Variants in ZMYM6 observed in about 807,000 individuals in gnomAD.
ZMYM6 encodes zinc finger MYM-type containing 6.
ZMYM6 carries 90 observed loss-of-function variants against 134.0 expected under a neutral mutation model. That is an observed-to-expected ratio of 0.67 (90% CI 0.57 to 0.80). ZMYM6 has a LOEUF of 0.80. ZMYM6 is among the 30% of genes least tolerant of loss of function. The pLI, the probability that ZMYM6 is intolerant of heterozygous loss-of-function variation, is 0.00. For synonymous variants in ZMYM6, 481 were observed against 524.1 expected (o/e 0.92, Z 1.12); for missense variants, 1,362 against 1,533.9 (o/e 0.89, Z 1.87).
At chr1:35,019,186 T>C in intron 4 of ZMYM6, 167 bp downstream of exon 4, 1 of 948,054 alleles carries the variant, frequency 1.1e-6, no homozygotes, top group Non-Finnish European at 1.6e-6. Context: ...CCAAGTCACT[T>C]ATTTAATGTT....
Position 35,010,898 on chromosome 1 carries a change from T to C in ZMYM6, c.1201A>G (p.Ile401Val), listed in dbSNP as rs1455250754. 2 of 1,613,934 alleles carry C rather than the reference T, an allele frequency of 1.2e-6. No individual in the cohort carries two copies. The highest frequency in any genetic ancestry group is 1.7e-5 in the Admixed American group (1 of 59,962). The change falls in exon 9 of 16, where the codon ATC becomes GTC. Residue 401 changes from isoleucine to valine, a missense_variant. Physicochemically the swap from Ile to Val is conservative, Grantham distance 29. Around this residue, in one of 3 missense-constraint regions of ZMYM6, gnomAD observed 503 missense variants for 520.8 expected, o/e 0.97. Coordinates refer to ENST00000357182, the MANE Select transcript of ZMYM6 (RefSeq NM_007167.4). ...GNTSAVSPSS[I>V]RGSAAASLQP... ...AGGCTGGCTGCAGCAGAGCCACGGA[T>C]GGAGCTGGGGGAAACGGCAGAGGTG...
At chr1:35,021,390 C>A (rs1641307328) in intron 2 of ZMYM6, among the ~76,000 whole-genome samples, 1 of 151,808 alleles carries the variant, frequency 6.6e-6, no homozygotes, top group Non-Finnish European at 1.5e-5. Context: ...GGTGATCCGC[C>A]CACTTTGGCC....
chr1:35,011,094 A>G lies in ZMYM6; in HGVS notation c.1063-58T>C, dbSNP rs912513363. On this transcript the variant is annotated intron_variant, in intron 8 of 15. Coordinates refer to ENST00000357182, the MANE Select transcript of ZMYM6 (RefSeq NM_007167.4). ...CAACTGAGAAATAAGATAACTTTGTACTTTTCATTTCCTCATTTTAATAAA... is the reference window on the plus strand; with the variant it reads ...CAACTGAGAAATAAGATAACTTTGTGCTTTTCATTTCCTCATTTTAATAAA... 6 of 1,519,362 alleles carry G rather than the reference A, an allele frequency of 3.9e-6. No individual in the cohort carries two copies. The African/African-American group carries it at 7.0e-5, about 18-fold the overall frequency. The allele number at this position is 1,519,362 out of a possible 1,614,324, so 94.1% of individuals were successfully genotyped here.
chr1:34,989,099 TACTGAAA>T (rs1158243788), intron 15 of ZMYM6, 164 bp from the exon 16 acceptor site: 1 of 1,411,764 alleles, frequency 7.1e-7, no homozygotes, highest in Non-Finnish European at 9.2e-7. Flanking sequence ...CCAATGATGC[TACTGAAA>T]ACTGAATTTC....
Position 35,008,875 on chromosome 1 carries a change from G to A in ZMYM6, c.1542C>T (p.Tyr514=). Residue 514 remains tyrosine (Y), a synonymous_variant, in exon 11 of 16, where the codon TAC becomes TAT. Transcript: ENST00000357182. ...ARDFGERWGN[Y]CKMCSYCSQT... ...GTGAACAGTAGCTGCACATCTTACA[G>A]TAGTTTCCCCATCGTTCTCCAAAGT... 1 of 1,613,898 alleles carries A rather than the reference G, an allele frequency of 6.2e-7. No individual in the cohort carries two copies. The highest frequency in any genetic ancestry group is 1.7e-5 in the Admixed American group (1 of 59,980).
chr1:34,998,408 C>T lies in ZMYM6; in HGVS notation c.1992+5560G>A, dbSNP rs1278234118. On this transcript the variant is annotated intron_variant, in intron 14 of 15. Coordinates refer to ENST00000357182, the MANE Select transcript of ZMYM6 (RefSeq NM_007167.4). ...TTCCTATAATTTCAATATGTGGAAA[C>T]TTGCTCTTTGCCTCCTTTATTCTTT... 2.6e-5 allele frequency among the ~76,000 whole-genome samples: 4 copies of T among 152,180 alleles called. 1 individual carries two copies. Among genetic ancestry groups the T allele is most frequent in the Non-Finnish European group, 4.4e-5 (3 of 68,036 alleles).
At chr1:35,010,620 T>C in intron 9 of ZMYM6, 23 bp from the exon 10 acceptor site, 1 of 1,591,782 alleles carries the variant, frequency 6.3e-7, no homozygotes. Flanking sequence ...AACAGTCCAT[T>C]AAGAGCCAAC....
intron 14 of ZMYM6, among the ~76,000 whole-genome samples, chr1:34,994,895 T>C (rs923516366): frequency 6.8e-6 from 1 of 146,212 alleles, no homozygotes; most frequent in African/African-American, 2.7e-5. Flanking sequence ...CCGAAGCCTA[T>C]ACACACATGT....
At chr1:35,004,748 A>G (rs993060426) in intron 13 of ZMYM6, among the ~76,000 whole-genome samples, 4 of 152,086 alleles carry the variant, frequency 2.6e-5, no homozygotes, top group African/African-American at 9.7e-5. Context: ...ACATCACGTA[A>G]AGAAAGATAT....
At chr1:35,002,179 G>A (rs1021689639) in intron 14 of ZMYM6, among the ~76,000 whole-genome samples, 12 of 152,092 alleles carry the variant, frequency 7.9e-5, no homozygotes, top group Non-Finnish European at 8.8e-5. Flanking sequence ...TAATCCATGG[G>A]GGACAACCCA....
intron 14 of ZMYM6, among the ~76,000 whole-genome samples, chr1:34,997,430 G>A (rs1029816011): frequency 5.9e-5 from 9 of 152,156 alleles, no homozygotes; most frequent in Non-Finnish European, 1.2e-4. Flanking sequence ...TTAGCCACCT[G>A]AGTAGCTGGG....
At chr1:34,994,628 G>C (rs1197691852) in intron 14 of ZMYM6, among the ~76,000 whole-genome samples, 2 of 152,056 alleles carry the variant, frequency 1.3e-5, no homozygotes, top group Non-Finnish European at 2.9e-5. Context: ...AGCCATTGGA[G>C]GTTATATTTA....
At chr1:35,019,718 G>A (rs1048028600) in intron 3 of ZMYM6, 116 bp from the exon 4 acceptor site, 3 of 1,255,096 alleles carry the variant, frequency 2.4e-6, no homozygotes, top group South Asian at 3.3e-5. Flanking sequence ...TGTCACCCAG[G>A]CTGGAGTGCA....
chr1:35,014,820 A>T lies in ZMYM6; in HGVS notation c.672T>A (p.Phe224Leu), dbSNP rs1641151323. 6.2e-7 allele frequency: 1 copy of T among 1,614,074 alleles called. No individual in the cohort carries two copies. The highest frequency in any genetic ancestry group is 1.3e-5 in the African/African-American group (1 of 74,942). Reference sequence around the variant, plus strand: ...TCATGGTGAGGTTGTTTGTAGAGTGAAATTTTGAAAAACAGGCATCACTAC... The same window carrying T: ...TCATGGTGAGGTTGTTTGTAGAGTGTAATTTTGAAAAACAGGCATCACTAC... ...GLCSDACFSK[F>L]HSTNNLTMNC... Residue 224 changes from phenylalanine (F) to leucine (L), a missense_variant, in exon 6 of 16, where the codon TTT (phenylalanine) becomes TTA (leucine). This residue lies in a region of ZMYM6 where 503 missense variants were observed against 520.8 expected (regional missense o/e 0.97). Transcript: ENST00000357182.
intron 4 of ZMYM6, among the ~76,000 whole-genome samples, chr1:35,016,712 C>T (rs144407310): frequency 6.6e-6 from 1 of 152,274 alleles, no homozygotes; most frequent in Non-Finnish European, 1.5e-5. Context: ...GGCTCACCCC[C>T]ATAATCCTAG....
At chr1:35,028,740 C>G (rs1028315750) in intron 2 of ZMYM6, among the ~76,000 whole-genome samples, 3 of 151,890 alleles carry the variant, frequency 2.0e-5, no homozygotes, top group African/African-American at 7.2e-5. Context: ...ACCTCGTGAT[C>G]TGCCTGCCTT....
chr1:35,019,298 C>T, intron 4 of ZMYM6, 55 bp downstream of exon 4: 1 of 1,609,706 alleles, frequency 6.2e-7, no homozygotes, highest in Non-Finnish European at 8.5e-7. Context: ...TTGAACTAAA[C>T]AATATACACA....
chr1:35,029,426 T>C (rs1641476420), intron 2 of ZMYM6, among the ~76,000 whole-genome samples: 1 of 152,158 alleles, frequency 6.6e-6, no homozygotes, highest in Non-Finnish European at 1.5e-5. Context: ...TCCTCATCTG[T>C]AAAATGGGGA....
intron 4 of ZMYM6, chr1:35,019,140 A>G: frequency 1.5e-6 from 1 of 649,002 alleles, no homozygotes; most frequent in Non-Finnish European, 2.6e-6. Flanking sequence ...GTAAAATTTA[A>G]AGTGATAGAA....
Sources: allele counts gnomAD v4.1 joint callset (sites outside exome capture counted in the v4.1 genomes callset), GRCh38; gene constraint gnomAD v4.1.1; regional missense constraint gnomAD v4.1.1; transcripts MANE v1.5; gene names NCBI Gene and HGNC (gene_info 2026-07-23, HGNC 2026-07-21).